Variants in GPC6 observed in about 807,000 individuals in gnomAD.
The protein encoded by GPC6 is glypican-6.
Under a neutral mutation model 55.2 loss-of-function variants are expected in GPC6, and 14 were observed. The observed-to-expected ratio is 0.25, with a 90% CI of 0.17 to 0.40. The LOEUF is 0.40. Ranked by LOEUF, GPC6 falls within the 10% of genes least tolerant of loss-of-function variation. The pLI, the probability that GPC6 is intolerant of heterozygous loss-of-function variation, is 1.00. For missense variants in GPC6, 641 were observed against 708.5 expected, an observed-to-expected ratio of 0.90 and a Z score of 1.08; for synonymous variants, 278 against 259.6, an observed-to-expected ratio of 1.07 and a Z score of -0.68.
intron 4 of GPC6, among the ~76,000 whole-genome samples, chr13:94,200,960 A>C (rs1400987028): frequency 1.3e-5 from 2 of 152,236 alleles, no homozygotes; most frequent in African/African-American, 4.8e-5. Context: ...CAGGCAGCGC[A>C]AAAGGCAGAA....
At chr13:93,933,406 G>C (rs980779690) in intron 3 of GPC6, among the ~76,000 whole-genome samples, 2 of 152,018 alleles carry the variant, frequency 1.3e-5, no homozygotes, top group African/African-American at 2.4e-5. Context: ...TGACATAAAT[G>C]TTAGGATTAC....
intron 1 of GPC6, among the ~76,000 whole-genome samples, chr13:93,473,378 C>T (rs1594195182): frequency 6.6e-6 from 1 of 152,298 alleles, no homozygotes; most frequent in South Asian, 2.1e-4. Flanking sequence ...CGTGCACACA[C>T]CTGGCTGGGC....
chr13:94,183,116 A>G (rs1594031992), intron 4 of GPC6, among the ~76,000 whole-genome samples: 1 of 152,190 alleles, frequency 6.6e-6, no homozygotes, highest in East Asian at 1.9e-4. Context: ...AGGATTAATT[A>G]TATTCATAAT....
intron 1 of GPC6, among the ~76,000 whole-genome samples, chr13:93,405,423 A>G (rs920574702): frequency 4.6e-5 from 7 of 152,202 alleles, no homozygotes; most frequent in Non-Finnish European, 7.3e-5. Context: ...GTATTAGAGA[A>G]ATCCTTTCGC....
intron 4 of GPC6, among the ~76,000 whole-genome samples, chr13:94,149,323 C>T (rs1887660344): frequency 4.6e-5 from 7 of 152,092 alleles, no homozygotes. Context: ...CTCAGATGGC[C>T]TGCTTGTCCC....
At chr13:93,900,986 A>G (rs886709109) in intron 3 of GPC6, among the ~76,000 whole-genome samples, 2 of 152,156 alleles carry the variant, frequency 1.3e-5, no homozygotes, top group Non-Finnish European at 2.9e-5. Context: ...GCTAATGGAA[A>G]AAACTCATTC....
At chr13:94,091,451 T>C (rs1159209074) in intron 4 of GPC6, among the ~76,000 whole-genome samples, 1 of 152,186 alleles carries the variant, frequency 6.6e-6, no homozygotes, top group Non-Finnish European at 1.5e-5. Context: ...GATTCTACTT[T>C]TGCAAAGAAA....
At chr13:94,385,882 T>C (rs1341925378) in intron 7 of GPC6, among the ~76,000 whole-genome samples, 1 of 152,180 alleles carries the variant, frequency 6.6e-6, no homozygotes, top group Admixed American at 6.5e-5. Flanking sequence ...AGTTTTAAGA[T>C]GACAGGTCTT....
intron 1 of GPC6, among the ~76,000 whole-genome samples, chr13:93,370,540 T>C (rs1881411679): frequency 6.6e-6 from 1 of 152,098 alleles, no homozygotes; most frequent in African/African-American, 2.4e-5. Context: ...ATCAGAAATC[T>C]AGATATAGCA....
rs1414099920 is a variant in GPC6, at chr13:94,294,453, A to AAC, written c.1008+7975_1008+7976insCA. Among the ~76,000 whole-genome samples the AAC allele has an allele frequency of 2.6e-5, 4 of 151,740 alleles. No individual in the cohort carries two copies. The East Asian group carries it at 7.7e-4, about 29-fold the overall frequency. On this transcript the variant is annotated intron_variant, in intron 5 of 8. Transcript: ENST00000377047. The stretch of plus-strand genomic sequence containing the variant: ...AATGAAGATTAAAAAAAAAAAAAAA[A>AAC]AAACCCTAAGAGAACAGAACAGAGA...
intron 2 of GPC6, among the ~76,000 whole-genome samples, chr13:93,635,747 A>G (rs958003218): frequency 6.6e-6 from 1 of 152,210 alleles, no homozygotes; most frequent in Non-Finnish European, 1.5e-5. Context: ...CAGTTTTGAT[A>G]TCACAGGGAA....
intron 5 of GPC6, among the ~76,000 whole-genome samples, chr13:94,304,853 G>C (rs1055889560): frequency 6.6e-6 from 1 of 152,148 alleles, no homozygotes. Flanking sequence ...AAAATTAGAG[G>C]AAGCTGTTAT....
intron 1 of GPC6, among the ~76,000 whole-genome samples, chr13:93,312,282 A>G (rs1362077898): frequency 6.6e-6 from 1 of 152,136 alleles, no homozygotes; most frequent in Non-Finnish European, 1.5e-5. Context: ...CAAAGTGTCA[A>G]TAGATCCTGA....
chr13:93,989,743 A>G (rs974460142), intron 3 of GPC6, among the ~76,000 whole-genome samples: 1 of 152,116 alleles, frequency 6.6e-6, no homozygotes, highest in African/African-American at 2.4e-5. Context: ...GGCTGTATTT[A>G]TAAGGAGGCT....
Position 93,287,833 on chromosome 13 carries a change from T to C in GPC6, c.160+60217T>C, listed in dbSNP as rs547358093. Among the ~76,000 whole-genome samples, 7 of 152,342 alleles carry C rather than the reference T, an allele frequency of 4.6e-5. No individual in the cohort carries two copies. In the South Asian group the frequency reaches 1.5e-3, roughly 32 times the overall value. On this transcript the variant is annotated intron_variant, in intron 1 of 8. Coordinates refer to ENST00000377047, the MANE Select transcript of GPC6 (RefSeq NM_005708.5). ...AGAAGTTTATTGTCAATTAAAATAA[T>C]CTACTTTTAAGGAAATTATGTTTTT...
intron 2 of GPC6, among the ~76,000 whole-genome samples, chr13:93,741,093 A>C (rs1349673229): frequency 1.4e-5 from 2 of 144,556 alleles, no homozygotes; most frequent in African/African-American, 5.0e-5. Context: ...GAACTTTTGT[A>C]GTATACCGAT....
At chr13:93,927,091 C>T (rs978051373) in intron 3 of GPC6, among the ~76,000 whole-genome samples, 3 of 152,058 alleles carry the variant, frequency 2.0e-5, no homozygotes, top group South Asian at 2.1e-4. Flanking sequence ...ATGTGCTGTA[C>T]GAAATAGATT....
intron 2 of GPC6, among the ~76,000 whole-genome samples, chr13:93,674,660 C>T (rs923023061): frequency 6.6e-6 from 1 of 152,128 alleles, no homozygotes; most frequent in African/African-American, 2.4e-5. Flanking sequence ...ATTCTATTAT[C>T]GACAGAATGA....
At chr13:93,749,681 T>C (rs1186320641) in intron 2 of GPC6, among the ~76,000 whole-genome samples, 1 of 151,896 alleles carries the variant, frequency 6.6e-6, no homozygotes, top group Non-Finnish European at 1.5e-5. Flanking sequence ...TTAAAAGCAA[T>C]AATAGTAATG....
Sources: gnomAD v4.1 joint callset for allele counts (sites outside exome capture counted in the v4.1 genomes callset) on GRCh38, gnomAD v4.1.1 for gene constraint, MANE v1.5 for transcripts, NCBI Gene and HGNC (gene_info 2026-07-23, HGNC 2026-07-21) for gene names.